Variants in MEGF11 observed in about 807,000 individuals in gnomAD.
MEGF11 encodes the protein multiple EGF like domains 11, also known as multiple epidermal growth factor-like domains protein 11.
MEGF11 carries 126 observed loss-of-function variants against 146.6 expected under a neutral mutation model. The ratio of observed to expected loss-of-function variants is 0.86; its 90% CI spans 0.74 to 1.00. The LOEUF (loss-of-function observed/expected upper bound fraction) is 1.00. Ranked by LOEUF, MEGF11 falls within the 50% of genes least tolerant of loss-of-function variation. The pLI is 0.00. For missense variants in MEGF11, 1,509 were observed against 1,521.2 expected (o/e 0.99, Z 0.13); for synonymous variants, 532 against 583.4 (o/e 0.91, Z 1.27).
chr15:66,053,911 G>T (rs1281151153), intron 5 of MEGF11, among the ~76,000 whole-genome samples: 1 of 151,306 alleles, frequency 6.6e-6, no homozygotes, highest in East Asian at 1.9e-4. Flanking sequence ...GTAGAGTCAG[G>T]GTTTTGCCAT....
intron 18 of MEGF11, 113 bp from the exon 19 acceptor site, chr15:65,915,711 A>G (rs545345270): frequency 1.5e-6 from 2 of 1,354,134 alleles, no homozygotes; most frequent in Middle Eastern, 1.9e-4. Flanking sequence ...AGTGAAGCCT[A>G]TTCCCTTAGC....
intron 3 of MEGF11, among the ~76,000 whole-genome samples, chr15:66,122,900 C>T (rs939411472): frequency 3.3e-5 from 5 of 152,150 alleles, no homozygotes; most frequent in African/African-American, 1.2e-4. Context: ...TCTCTTGCCT[C>T]AGCCTCCCTA....
In MEGF11 at chr15:66,204,430, A is replaced by G. The variant is rs186721972; in HGVS notation, c.-9+49175T>C. 8.0e-4 allele frequency among the ~76,000 whole-genome samples: 119 copies of G among 148,012 alleles called. 1 individual carries two copies. The highest frequency in any genetic ancestry group is 3.0e-3 in the African/African-American group (114 of 37,548). ...AAAAATAAAAAAGAAAAAGAAAAAGAAAAAAAAGAAGAAGCAGTTATAAAC... is the reference window on the plus strand; with the variant it reads ...AAAAATAAAAAAGAAAAAGAAAAAGGAAAAAAAGAAGAAGCAGTTATAAAC... On this transcript the variant is annotated intron_variant, in intron 1 of 25. Transcript: ENST00000395614.
intron 1 of MEGF11, among the ~76,000 whole-genome samples, chr15:66,166,215 G>A (rs1326803866): frequency 6.6e-6 from 1 of 152,130 alleles, no homozygotes; most frequent in African/African-American, 2.4e-5. Flanking sequence ...CCCGCCCAGG[G>A]TTTGCCGCCA....
In MEGF11 at chr15:65,909,110, C is replaced by T; in HGVS notation, c.2922G>A (p.Leu974=). The T allele has an allele frequency of 1.3e-6, 2 of 1,535,664 alleles. No individual in the cohort carries two copies. The highest frequency in any genetic ancestry group is 1.2e-5 in the South Asian group (1 of 84,052). The stretch of plus-strand genomic sequence containing the variant: ...AGTCCTCGGGCGGGTACCTGGCCTC[C>T]AGGGCACTGATCTGGAAATGGGAGT... ...VLDSHFQISA[L]EARYPPEDFY... Residue 974 remains leucine, a synonymous_variant, in exon 23 of 26, where the codon CTG becomes CTA. Coordinates refer to ENST00000395614, the MANE Select transcript of MEGF11 (RefSeq NM_001385028.1).
chr15:65,913,665 A>G, intron 20 of MEGF11, 72 bp downstream of exon 20: 2 of 1,374,666 alleles, frequency 1.5e-6, no homozygotes, highest in Non-Finnish European at 2.0e-6. Context: ...AGCCAACCCT[A>G]CAGGCACAAC....
chr15:66,054,619 C>G (rs550815053), intron 5 of MEGF11, among the ~76,000 whole-genome samples: 42 of 152,326 alleles, frequency 2.8e-4, no homozygotes, highest in Middle Eastern at 3.4e-3. Flanking sequence ...GGAGTGAGCA[C>G]ACATGTTGAA....
At chr15:66,236,365 G>C (rs1268311310) in intron 1 of MEGF11, among the ~76,000 whole-genome samples, 1 of 152,136 alleles carries the variant, frequency 6.6e-6, no homozygotes, top group Non-Finnish European at 1.5e-5. Flanking sequence ...GACAGGCAGG[G>C]ACATGGTCCA....
At chr15:66,039,307 G>A (rs997986188) in intron 5 of MEGF11, among the ~76,000 whole-genome samples, 1 of 152,176 alleles carries the variant, frequency 6.6e-6, no homozygotes, top group Admixed American at 6.5e-5. Flanking sequence ...CAGAGGTGGC[G>A]GGAGAGGCTT....
At chr15:66,006,028 A>C (rs1246881666) in intron 5 of MEGF11, among the ~76,000 whole-genome samples, 2 of 152,240 alleles carry the variant, frequency 1.3e-5, no homozygotes, top group Non-Finnish European at 1.5e-5. Context: ...TGTTAACCAG[A>C]GGCGCTGTAC....
intron 1 of MEGF11, among the ~76,000 whole-genome samples, chr15:66,175,381 A>C (rs77999267): frequency 0.026 from 3,940 of 152,274 alleles, 159 homozygotes; most frequent in African/African-American, 0.088. Context: ...CTGAGCAAAA[A>C]GACAAAGCTG....
intron 1 of MEGF11, among the ~76,000 whole-genome samples, chr15:66,157,742 G>A (rs944615138): frequency 6.6e-6 from 1 of 152,212 alleles, no homozygotes; most frequent in Non-Finnish European, 1.5e-5. Context: ...GTATATAGTT[G>A]TCTATGACAA....
intron 1 of MEGF11, among the ~76,000 whole-genome samples, chr15:66,146,149 G>T (rs776796617): frequency 5.3e-5 from 8 of 152,126 alleles, no homozygotes; most frequent in African/African-American, 9.7e-5. Flanking sequence ...TACAAAGTGA[G>T]GATGATAATT....
intron 25 of MEGF11, 178 bp from the exon 26 acceptor site, chr15:65,898,272 T>C: frequency 4.1e-6 from 4 of 985,406 alleles, no homozygotes; most frequent in African/African-American, 3.5e-5. Flanking sequence ...GTGAATGTGC[T>C]GTCAACATCC....
At chr15:66,043,868 C>G (rs2084090343) in intron 5 of MEGF11, among the ~76,000 whole-genome samples, 1 of 152,242 alleles carries the variant, frequency 6.6e-6, no homozygotes, top group African/African-American at 2.4e-5. Flanking sequence ...GAAGTATTTA[C>G]AGATCAACCA....
chr15:66,173,321 T>G (rs1003876424), intron 1 of MEGF11, among the ~76,000 whole-genome samples: 2 of 152,142 alleles, frequency 1.3e-5, no homozygotes, highest in African/African-American at 2.4e-5. Flanking sequence ...TTTTTTAATT[T>G]TTATTTATTT....
intron 5 of MEGF11, among the ~76,000 whole-genome samples, chr15:66,079,975 C>T (rs1597061685): frequency 6.6e-6 from 1 of 152,204 alleles, no homozygotes; most frequent in Admixed American, 6.5e-5. Context: ...GTGGAAGAAA[C>T]GGAGCATGGG....
intron 5 of MEGF11, among the ~76,000 whole-genome samples, chr15:66,055,497 CGT>C (rs1555465773): frequency 1.3e-5 from 2 of 152,344 alleles, no homozygotes; most frequent in Admixed American, 1.3e-4. Context: ...CGTTCGGTAG[CGT>C]GTGTTTGTGC....
chr15:66,179,813 AC>A (rs1291755143), intron 1 of MEGF11, among the ~76,000 whole-genome samples: 2 of 64,508 alleles, frequency 3.1e-5, no homozygotes, highest in Admixed American at 1.6e-4. Flanking sequence ...CCCTGCCACC[AC>A]CCCCCCACCC....
Sources: gnomAD v4.1 joint callset for allele counts (sites outside exome capture counted in the v4.1 genomes callset) on GRCh38, gnomAD v4.1.1 for gene constraint, MANE v1.5 for transcripts, NCBI Gene and HGNC (gene_info 2026-07-23, HGNC 2026-07-21) for gene names.